The following ABHD1 variants were observed in gnomAD, a reference collection of about 807,000 sequenced individuals.
ABHD1 encodes abhydrolase domain containing 1, also known as protein ABHD1.
Under a neutral mutation model 41.4 loss-of-function variants are expected in ABHD1, and 47 were observed. That is an observed-to-expected ratio of 1.13 (90% confidence interval 0.90 to 1.45). ABHD1 has a LOEUF of 1.45. ABHD1 is among the 40% of genes most tolerant of loss of function. ABHD1 has a pLI of 0.00. For missense variants in ABHD1, 550 were observed against 503.4 expected, an observed-to-expected ratio of 1.09 and a Z score of -0.89; for synonymous variants, 205 against 203.7, an observed-to-expected ratio of 1.01 and a Z score of -0.05.
At chr2:27,125,289 T>G (rs1671914747) in intron 1 of ABHD1, 1 of 152,244 alleles carries the variant, frequency 6.6e-6, no homozygotes, top group Non-Finnish European at 1.5e-5. Flanking sequence ...TGCAACTAGC[T>G]GCACAGAAAT....
rs367582724 is a variant in ABHD1, at chr2:27,129,786, G to A, written c.650G>A (p.Arg217Lys). The change falls in exon 6 of 9, where the codon AGG becomes AAG. Residue 217 changes from arginine to lysine, a missense_variant. Transcript: ENST00000316470. ...GTGCTGAATCACCTGGCACAGGCCA[G>A]GCAGGCTGCAGGGCTGGTGGCAGCA... is the stretch of plus-strand genomic sequence containing the variant. ...ILVLNHLAQA[R>K]QAAGLVAALT... 6.2e-7 allele frequency: 1 copy of A among 1,614,178 alleles called. No homozygotes were observed.
At chr2:27,129,404 T>C (rs377499153) in intron 4 of ABHD1, 43 bp downstream of exon 4, 152 of 1,613,508 alleles carry the variant, frequency 9.4e-5, no homozygotes, top group Non-Finnish European at 1.1e-4. Context: ...ACCCACTCCC[T>C]TTAGAGATCC....
rs1413009007 is a variant in ABHD1 at position 27,128,470 on chromosome 2, T to G, written c.144T>G (p.Phe48Leu). The G allele has an allele frequency of 1.9e-6, 3 of 1,614,154 alleles. No homozygotes were observed. Among genetic ancestry groups the G allele is most frequent in the Middle Eastern group, 1.7e-4 (1 of 6,056 alleles). The change falls in exon 2 of 9, where the codon TTT becomes TTG. Residue 48 changes from phenylalanine (F) to leucine (L), a missense_variant. Phe to Leu is a conservative substitution (Grantham distance 22). Coordinates refer to ENST00000316470, the MANE Select transcript of ABHD1 (RefSeq NM_032604.4). ...CTCGGCTGGTGGCTGGGCCGCAGTTTCTGGCCTTCCTGGAGCCACACTGTT... is the reference window on the plus strand; with the variant it reads ...CTCGGCTGGTGGCTGGGCCGCAGTTGCTGGCCTTCCTGGAGCCACACTGTT... ...QRPRLVAGPQFLAFLEPHCSI... is the reference protein window; with the variant it reads ...QRPRLVAGPQLLAFLEPHCSI...
intron 4 of ABHD1, 65 bp downstream of exon 4, chr2:27,129,426 G>A (rs534554448): frequency 1.2e-6 from 2 of 1,612,386 alleles, no homozygotes; most frequent in East Asian, 2.2e-5. Flanking sequence ...TGGCCCTGGG[G>A]CTCACCTCCT....
In ABHD1 at chr2:27,130,800, T is replaced by G; in HGVS notation, c.*56T>G. ...CTTTCCTTGTTTATTAAATATCAAC[T>G]TTTCCTGCCTAATGGGCTGAGGTTC... On this transcript the variant is annotated 3_prime_UTR_variant, in exon 9 of 9. Transcript: ENST00000316470. The G allele has an allele frequency of 1.3e-6, 2 of 1,568,732 alleles. No homozygotes were observed. The highest frequency in any genetic ancestry group is 1.8e-6 in the Non-Finnish European group (2 of 1,142,202).
At chr2:27,130,062 A>G (rs1672162565) in intron 6 of ABHD1, 43 bp from the exon 7 acceptor site, 1 of 1,613,516 alleles carries the variant, frequency 6.2e-7, no homozygotes, top group East Asian at 2.2e-5. Flanking sequence ...GGGGTGGGGG[A>G]TCAGATCCAG....
chr2:27,130,150 A>G lies in ABHD1; in HGVS notation c.837A>G (p.Leu279=), dbSNP rs1303507288. ...IEKVVDIDFV[L]QARTIRQFDE... ...AGGTGGTGGACATAGACTTTGTACT[A>G]CAGGTATAATATTCAGCCATGCCCC... The change falls in exon 7 of 9, where the codon CTA becomes CTG. Residue 279 remains leucine (L), a synonymous_variant. Transcript: ENST00000316470. The G allele has an allele frequency of 6.2e-7, 1 of 1,614,050 alleles. No homozygotes were observed. The highest frequency in any genetic ancestry group is 8.5e-7 in the Non-Finnish European group (1 of 1,180,040).
In ABHD1 at chr2:27,130,809, C is replaced by T. The variant is rs1672220205; in HGVS notation, c.*65C>T. ...TTTATTAAATATCAACTTTTCCTGC[C>T]TAATGGGCTGAGGTTCATTTTCCCA... On this transcript the variant is annotated 3_prime_UTR_variant, in exon 9 of 9. Coordinates refer to ENST00000316470, the MANE Select transcript of ABHD1 (RefSeq NM_032604.4). 1 of 1,545,872 alleles carries T rather than the reference C, an allele frequency of 6.5e-7. No individual in the cohort carries two copies. Among genetic ancestry groups the T allele is most frequent in the Non-Finnish European group, 8.9e-7 (1 of 1,124,542 alleles).
At chr2:27,124,140 T>G (rs764581353) in intron 1 of ABHD1, 78 bp downstream of exon 1, 39 of 1,336,348 alleles carry the variant, frequency 2.9e-5, no homozygotes, top group Admixed American at 3.6e-5. Context: ...GGGCCCTTGG[T>G]GGGAACTGGG....
At chr2:27,127,754 G>T (rs1672032299) in intron 1 of ABHD1, among the ~76,000 whole-genome samples, 1 of 151,602 alleles carries the variant, frequency 6.6e-6, no homozygotes, top group Non-Finnish European at 1.5e-5. Context: ...TAGAATCGGG[G>T]TTTCACCATG....
intron 1 of ABHD1, chr2:27,125,411 CA>C (rs1339431637): frequency 6.6e-6 from 1 of 152,136 alleles, no homozygotes; most frequent in African/African-American, 2.4e-5. Context: ...TTGGATTGGC[CA>C]GCACTGTAAT....
In ABHD1 at chr2:27,128,600, A is replaced by G; in HGVS notation, c.274A>G (p.Ser92Gly). 6 of 1,614,102 alleles carry G rather than the reference A, an allele frequency of 3.7e-6. No individual in the cohort carries two copies. Among genetic ancestry groups the G allele is most frequent in the Non-Finnish European group, 4.2e-6 (5 of 1,179,980 alleles). ...LQSQPLVLYQ[S>G]DILQTPDGGQ... ...GTCTCAGCCCCTAGTCCTTTATCAG[A>G]GGTAAGAAGGGACAGAACAGGGTGA... The change falls in exon 2 of 9, where the codon AGT (serine) becomes GGT (glycine). Residue 92 changes from serine (S) to glycine (G), a missense_variant and splice_region_variant. Ser to Gly is a moderately conservative substitution (Grantham distance 56). Transcript: ENST00000316470.
Position 27,130,385 on chromosome 2 carries a change from TG to T in ABHD1, c.976del (p.Ala326GlnfsTer48), listed in dbSNP as rs749978627. ...TCCGGATCCCTGTGCTCTATCTCAG[TG>T]CAGCAGATGACCCCTTCTCCCCCGT... The part of the protein sequence containing the change: ...AIRIPVLYLS[A>X]ADDPFSPVCA... On this transcript the variant is annotated frameshift_variant, in exon 8 of 9. Coordinates refer to ENST00000316470, the MANE Select transcript of ABHD1 (RefSeq NM_032604.4). LOFTEE classifies it low-confidence loss of function (END_TRUNC). 3 of 1,614,042 alleles carry T rather than the reference TG, an allele frequency of 1.9e-6. No individual in the cohort carries two copies. The East Asian group carries it at 6.7e-5, about 36-fold the overall frequency.
At chr2:27,129,688 C>G (rs993063061) in intron 5 of ABHD1, 62 bp downstream of exon 5, 3 of 1,609,824 alleles carry the variant, frequency 1.9e-6, no homozygotes, top group Non-Finnish European at 2.5e-6. Context: ...CTCCATGTCC[C>G]CTTCCTCTGT....
intron 1 of ABHD1, chr2:27,126,396 A>G (rs1175029187): frequency 6.6e-6 from 1 of 152,274 alleles, no homozygotes; most frequent in African/African-American, 2.4e-5. Flanking sequence ...ACTAGGGTCC[A>G]AAGTCACATC....
intron 1 of ABHD1, chr2:27,125,029 T>G (rs966652549): frequency 3.3e-5 from 5 of 151,770 alleles, no homozygotes; most frequent in Non-Finnish European, 5.9e-5. Context: ...TAATCCCAGC[T>G]ACTCGGGAGC....
In ABHD1 at chr2:27,129,641, G is replaced by A. The variant is rs746025503; in HGVS notation, c.617+15G>A. On this transcript the variant is annotated intron_variant, in intron 5 of 8. Coordinates refer to ENST00000316470, the MANE Select transcript of ABHD1 (RefSeq NM_032604.4). The stretch of plus-strand genomic sequence containing the variant: ...TCTTTTGGAGGGTAAAGATTGCCTG[G>A]GCTTAGCCCAGAGGCCCAGTCTTCC... The A allele has an allele frequency of 2.5e-6, 4 of 1,611,604 alleles. No homozygotes were observed. The highest frequency in any genetic ancestry group is 1.1e-5 in the South Asian group (1 of 91,082).
chr2:27,129,324 T>C lies in ABHD1; in HGVS notation c.467T>C (p.Val156Ala). 6.2e-7 allele frequency: 1 copy of C among 1,614,170 alleles called. No individual in the cohort carries two copies. Among genetic ancestry groups the C allele is most frequent in the South Asian group, 1.1e-5 (1 of 91,088 alleles). ...QALRDGYQAVVFNNRGCRGEE... is the reference protein window; with the variant it reads ...QALRDGYQAVAFNNRGCRGEE... ...ACCTGTGTGTGCCACAGGGCTGTCG[T>C]GTTTAACAACCGGGGCTGCCGTGGG... Residue 156 changes from valine to alanine, a missense_variant, in exon 4 of 9, where the codon GTG becomes GCG. Physicochemically the swap from Val to Ala is moderately conservative, Grantham distance 64. Transcript: ENST00000316470.
At position 27,129,708 on chromosome 2, in the gene ABHD1, C is replaced by T. The variant is rs1672143611; in HGVS notation, c.618-46C>T. On this transcript the variant is annotated intron_variant, in intron 5 of 8. Coordinates refer to ENST00000316470, the MANE Select transcript of ABHD1 (RefSeq NM_032604.4). Reference sequence around the variant, plus strand: ...TGTCCCCTTCCTCTGTCCCAACCCACATTAATGCAAACCCTTCTTTCATGG... The same window carrying T: ...TGTCCCCTTCCTCTGTCCCAACCCATATTAATGCAAACCCTTCTTTCATGG... 4 of 1,611,444 alleles carry T rather than the reference C, an allele frequency of 2.5e-6. No individual in the cohort carries two copies. In the South Asian group the frequency reaches 3.3e-5, roughly 13 times the overall value.
Sources: allele counts gnomAD v4.1 joint callset (sites outside exome capture counted in the v4.1 genomes callset), GRCh38; gene constraint gnomAD v4.1.1; transcripts MANE v1.5; gene names NCBI Gene and HGNC (gene_info 2026-07-23, HGNC 2026-07-21).